The following NLGN1 variants were observed in gnomAD, a reference collection of about 807,000 sequenced individuals.
The protein encoded by NLGN1 is neuroligin-1.
A neutral mutation model predicts 65.5 loss-of-function variants in NLGN1; 12 were observed. That is an observed-to-expected ratio of 0.18 (90% CI 0.12 to 0.30). NLGN1 has a LOEUF of 0.30. Ranked by LOEUF, NLGN1 falls within the 10% of genes least tolerant of loss-of-function variation. The pLI, the probability that NLGN1 is intolerant of heterozygous loss-of-function variation, is 1.00. For missense variants in NLGN1, 750 were observed against 1,007.1 expected, an observed-to-expected ratio of 0.74 and a Z score of 3.46; for synonymous variants, 350 against 359.5, an observed-to-expected ratio of 0.97 and a Z score of 0.30.
At chr3:173,426,925 G>C (rs1199706377) in intron 1 of NLGN1, among the ~76,000 whole-genome samples, 1 of 151,900 alleles carries the variant, frequency 6.6e-6, no homozygotes, top group Non-Finnish European at 1.5e-5. Flanking sequence ...TTAAAAGTTT[G>C]GTAAAACTTA....
At chr3:173,690,666 T>C (rs114126032) in intron 3 of NLGN1, among the ~76,000 whole-genome samples, 4,298 of 152,312 alleles carry the variant, frequency 0.028, 89 homozygotes, top group Middle Eastern at 0.044. Context: ...TCATGGACCT[T>C]GGTAATCTGT....
rs150984290 is a variant in NLGN1 at position 173,600,592 on chromosome 3, C to CTTTTTTTTTTTTTTTTT, written c.-320-3678_-320-3677insTTTTTTTTTTTTTTTTT. Among the ~76,000 whole-genome samples the CTTTTTTTTTTTTTTTTT allele has an allele frequency of 4.2e-3, 438 of 103,464 alleles. 59 individuals are homozygous for CTTTTTTTTTTTTTTTTT. Among genetic ancestry groups the CTTTTTTTTTTTTTTTTT allele is most frequent in the African/African-American group, 0.013 (384 of 29,980 alleles). The allele number at this position is 103,464 out of a possible 152,430, so 67.9% of individuals were successfully genotyped here. A position where few individuals can be genotyped will look rare whatever the true frequency, so the allele number is the denominator to read the frequency against. On this transcript the variant is annotated intron_variant, in intron 2 of 6. Coordinates refer to ENST00000457714, the Ensembl canonical transcript of NLGN1. ...AAGCAAGGTAGAAATAAAAACATAT[C>CTTTTTTTTTTTTTTTTT]TTTTTTTTTAGAAAAAGATATGTAA...
rs1048421769 is a variant in NLGN1 at position 174,230,230 on chromosome 3, T to C, written c.647-45085T>C. ...AAGCACAACTTGAAACTTTAAAGGG[T>C]GACTCAGAAGTGAGATGAATATTTT... On this transcript the variant is annotated intron_variant, in intron 4 of 6. Transcript: ENST00000457714. Among the ~76,000 whole-genome samples the C allele has an allele frequency of 1.4e-4, 21 of 152,232 alleles. No homozygotes were observed. In the East Asian group the frequency reaches 4.1e-3, roughly 29 times the overall value.
At chr3:173,656,825 C>A (rs1760121262) in intron 3 of NLGN1, among the ~76,000 whole-genome samples, 1 of 151,910 alleles carries the variant, frequency 6.6e-6, no homozygotes, top group Non-Finnish European at 1.5e-5. Context: ...GACAAGTAGA[C>A]CTGTAGGAAA....
At chr3:174,182,527 A>G (rs1175630680) in intron 4 of NLGN1, among the ~76,000 whole-genome samples, 1 of 152,148 alleles carries the variant, frequency 6.6e-6, no homozygotes, top group African/African-American at 2.4e-5. Flanking sequence ...TTACTAAAAT[A>G]CTGATTCAGT....
intron 4 of NLGN1, among the ~76,000 whole-genome samples, chr3:173,982,631 A>G (rs1299983179): frequency 2.0e-5 from 3 of 152,148 alleles, no homozygotes; most frequent in Non-Finnish European, 4.4e-5. Context: ...CAGTGAATGG[A>G]TTGATGGTCA....
chr3:174,225,507 G>C (rs1358481650), intron 4 of NLGN1, among the ~76,000 whole-genome samples: 2 of 152,108 alleles, frequency 1.3e-5, no homozygotes, highest in Non-Finnish European at 2.9e-5. Context: ...CGAGGCAGGC[G>C]GATCATGAGG....
intron 1 of NLGN1, among the ~76,000 whole-genome samples, chr3:173,400,106 T>C (rs746477283): frequency 1.4e-4 from 21 of 152,242 alleles, no homozygotes; most frequent in Non-Finnish European, 2.2e-4. Flanking sequence ...CATATACCTT[T>C]GCCACATTTT....
At chr3:173,509,939 C>A (rs1161214770) in intron 2 of NLGN1, among the ~76,000 whole-genome samples, 1 of 152,076 alleles carries the variant, frequency 6.6e-6, no homozygotes, top group African/African-American at 2.4e-5. Flanking sequence ...TGAGAAATAT[C>A]CAATTTCAAT....
At chr3:173,748,453 AGCTGTCCACAATGTGTG>A (rs1175245866) in intron 3 of NLGN1, among the ~76,000 whole-genome samples, 1 of 152,242 alleles carries the variant, frequency 6.6e-6, no homozygotes, top group African/African-American at 2.4e-5. Flanking sequence ...TCTTCCCTAG[AGCTGTCCACAATGTGTG>A]TAAGAAGAAA....
chr3:173,978,291 A>G (rs1352853386), intron 4 of NLGN1, among the ~76,000 whole-genome samples: 1 of 152,114 alleles, frequency 6.6e-6, no homozygotes, highest in African/African-American at 2.4e-5. Context: ...GATAGGAGAT[A>G]AGTAATTATG....
At chr3:173,412,570 C>T (rs931110868) in intron 1 of NLGN1, among the ~76,000 whole-genome samples, 8 of 151,302 alleles carry the variant, frequency 5.3e-5, no homozygotes, top group African/African-American at 1.9e-4. Flanking sequence ...ATCTTAATTA[C>T]CACACTAACA....
chr3:173,931,450 A>T (rs1269067349), intron 4 of NLGN1, among the ~76,000 whole-genome samples: 1 of 152,164 alleles, frequency 6.6e-6, no homozygotes, highest in East Asian at 1.9e-4. Context: ...CAATGAGGAA[A>T]GATCATTTAA....
intron 4 of NLGN1, among the ~76,000 whole-genome samples, chr3:173,980,462 A>G (rs1718527757): frequency 6.6e-6 from 1 of 152,070 alleles, no homozygotes; most frequent in Non-Finnish European, 1.5e-5. Context: ...ATGCATGATA[A>G]TATACATGGC....
At chr3:173,924,205 C>T (rs1266828677) in intron 4 of NLGN1, among the ~76,000 whole-genome samples, 1 of 151,880 alleles carries the variant, frequency 6.6e-6, no homozygotes, top group African/African-American at 2.4e-5. Flanking sequence ...TTACAAAAAC[C>T]TGAAAGAGAT....
At chr3:174,019,628 G>T (rs115305479) in intron 4 of NLGN1, among the ~76,000 whole-genome samples, 2,093 of 152,246 alleles carry the variant, frequency 0.014, 24 homozygotes, top group Non-Finnish European at 0.023. Context: ...TAGAGAGAAA[G>T]ACACCAACAT....
intron 4 of NLGN1, among the ~76,000 whole-genome samples, chr3:174,126,148 C>G (rs1319630702): frequency 1.3e-5 from 2 of 152,092 alleles, no homozygotes; most frequent in Non-Finnish European, 2.9e-5. Context: ...GAGCCTTCAC[C>G]TTTCCCTTTC....
In NLGN1 at chr3:174,153,835, T is replaced by A. The variant is rs187879709; in HGVS notation, c.647-121480T>A. On this transcript the variant is annotated intron_variant, in intron 4 of 6. Coordinates refer to ENST00000457714, the Ensembl canonical transcript of NLGN1. ...TAATGAGACCTTGTCTCTACAAAAA[T>A]TTTTTTTAAGCCAAACATGGTGGTA... 3.8e-3 allele frequency among the ~76,000 whole-genome samples: 581 copies of A among 152,028 alleles called. 2 individuals carry two copies. The highest frequency in any genetic ancestry group is 0.013 in the African/African-American group (544 of 41,492).
Position 173,575,719 on chromosome 3 carries a change from AT to A in NLGN1, c.-320-28559del, listed in dbSNP as rs1384249653. On this transcript the variant is annotated intron_variant, in intron 2 of 6. Transcript: ENST00000457714. Reference sequence around the variant, plus strand: ...TTTTACAAACGTCAGTCAACTCAGTATCAGTATCATTAGGTAATCATACTCT... The same window carrying A: ...TTTTACAAACGTCAGTCAACTCAGTACAGTATCATTAGGTAATCATACTCT... 5.9e-5 allele frequency among the ~76,000 whole-genome samples: 9 copies of A among 152,176 alleles called. 1 individual carries two copies. Among genetic ancestry groups the A allele is most frequent in the Admixed American group, 5.9e-4 (9 of 15,280 alleles).
Sources: gnomAD v4.1 joint callset for allele counts (sites outside exome capture counted in the v4.1 genomes callset) on GRCh38, gnomAD v4.1.1 for gene constraint, MANE v1.5 for transcripts, NCBI Gene and HGNC (gene_info 2026-07-23, HGNC 2026-07-21) for gene names.